MITD1: variants seen among roughly 807,000 people sequenced by gnomAD.
MITD1 encodes MIT domain-containing protein 1.
In MITD1, 24 loss-of-function variants were observed where a neutral mutation model predicts 34.9. The observed-to-expected ratio is 0.69, with a 90% CI of 0.50 to 0.97. The LOEUF is 0.97. Ranked by LOEUF, MITD1 falls within the 50% of genes least tolerant of loss-of-function variation. MITD1 has a pLI of 0.00. For missense variants in MITD1, 266 were observed against 294.6 expected (o/e 0.90, Z 0.71); for synonymous variants, 102 against 101.4 (o/e 1.01, Z -0.04).
At chr2:99,173,733 C>G in intron 2 of MITD1, 182 bp downstream of exon 2, 1 of 623,714 alleles carries the variant, frequency 1.6e-6, no homozygotes, top group South Asian at 1.8e-5. Context: ...CCAAAACAAA[C>G]AAACAAACAA....
intron 2 of MITD1, chr2:99,172,399 AAATT>A (rs2093863974): frequency 6.6e-6 from 1 of 151,950 alleles, no homozygotes. Context: ...AAAAAAAAAA[AAATT>A]AATGCAGTAT....
At chr2:99,162,949 T>G in intron 7 of MITD1, 1 of 1,614,010 alleles carries the variant, frequency 6.2e-7, no homozygotes, top group South Asian at 1.1e-5. Context: ...AATTCAAGTC[T>G]TATTGGCAGT....
At chr2:99,166,848 T>G (rs1306848054), downstream of MITD1, among the ~76,000 whole-genome samples, 1 of 141,468 alleles carries the variant, frequency 7.1e-6, no homozygotes, top group Non-Finnish European at 1.5e-5. Context: ...GTTCATTAAG[T>G]GGGGTTTTAA....
downstream of MITD1, among the ~76,000 whole-genome samples, chr2:99,168,290 C>T (rs1265715432): frequency 1.3e-5 from 2 of 152,068 alleles, no homozygotes; most frequent in African/African-American, 4.8e-5. Context: ...TACAGGCATG[C>T]GCCACCACGG....
At chr2:99,162,487 A>G (rs2093803076) in intron 7 of MITD1, 2 of 1,613,962 alleles carry the variant, frequency 1.2e-6, no homozygotes, top group South Asian at 1.1e-5. Flanking sequence ...GCCTATCACC[A>G]TTGCACTTTA....
At chr2:99,174,917 C>A (rs1049503224) in intron 1 of MITD1, among the ~76,000 whole-genome samples, 5 of 148,866 alleles carry the variant, frequency 3.4e-5, no homozygotes, top group African/African-American at 1.2e-4. Context: ...GTAGAGACGG[C>A]GTTTCACCAT....
chr2:99,174,582 T>C (rs1157421684), intron 1 of MITD1, among the ~76,000 whole-genome samples: 1 of 152,096 alleles, frequency 6.6e-6, no homozygotes, highest in Admixed American at 6.6e-5. Flanking sequence ...TTTCCATAAA[T>C]AATCTCATTT....
intron 7 of MITD1, chr2:99,162,251 GAGA>G (rs2093799914): frequency 1.2e-6 from 2 of 1,613,490 alleles, no homozygotes; most frequent in South Asian, 1.1e-5. Flanking sequence ...AACTGGCTCG[GAGA>G]AGAAGTGGAG....
At chr2:99,162,822 T>C (rs1014051221) in intron 7 of MITD1, 2 of 1,614,014 alleles carry the variant, frequency 1.2e-6, no homozygotes, top group East Asian at 2.2e-5. Flanking sequence ...TCATGTGTTA[T>C]ATGAACAGTC....
intron 1 of MITD1, among the ~76,000 whole-genome samples, chr2:99,180,181 C>T (rs778695808): frequency 5.3e-4 from 80 of 152,068 alleles, no homozygotes; most frequent in South Asian, 6.2e-4. Context: ...GAACCTCATC[C>T]GTTTAAGAAA....
chr2:99,177,986 T>C (rs1395835084), intron 1 of MITD1, among the ~76,000 whole-genome samples: 1 of 152,226 alleles, frequency 6.6e-6, no homozygotes, highest in African/African-American at 2.4e-5. Context: ...CACTTAACAA[T>C]TTCCTACAAG....
chr2:99,174,955 A>G (rs1220637214), intron 1 of MITD1, among the ~76,000 whole-genome samples: 2 of 152,150 alleles, frequency 1.3e-5, no homozygotes, highest in African/African-American at 4.8e-5. Flanking sequence ...CCGACTCCTG[A>G]TCTCAGGTGA....
At chr2:99,162,103 A>T in exon 8 of MITD1, 1 of 1,614,160 alleles carries the variant, frequency 6.2e-7, no homozygotes, top group Non-Finnish European at 8.5e-7. Context: ...GCTGTGGAAG[A>T]CTGGATCCAT....
At chr2:99,162,084 C>T (rs1389974709) in exon 8 of MITD1, 3 of 1,614,082 alleles carry the variant, frequency 1.9e-6, no homozygotes, top group Non-Finnish European at 2.5e-6. Flanking sequence ...TGATGTCTAT[C>T]AAAATCTGGC....
chr2:99,175,377 T>A (rs1346888846), intron 1 of MITD1, among the ~76,000 whole-genome samples: 1 of 152,224 alleles, frequency 6.6e-6, no homozygotes, highest in East Asian at 1.9e-4. Flanking sequence ...GGAATAATAT[T>A]GGTCAGTTAT....
At chr2:99,170,739 G>A (rs915518505) in intron 4 of MITD1, 87 bp from the exon 5 acceptor site, 1 of 589,534 alleles carries the variant, frequency 1.7e-6, no homozygotes. Context: ...TATCACAGGT[G>A]GATTAAGATG....
chr2:99,175,765 A>C (rs1376205519), intron 1 of MITD1, among the ~76,000 whole-genome samples: 2 of 152,186 alleles, frequency 1.3e-5, no homozygotes, highest in Non-Finnish European at 2.9e-5. Flanking sequence ...TATTCAATTA[A>C]ATAGTATGGG....
rs1468529365 is a variant in MITD1 at position 99,162,088 on chromosome 2, A to G, written c.*134T>C. 8.1e-6 allele frequency: 13 copies of G among 1,614,080 alleles called. No individual in the cohort carries two copies. Among genetic ancestry groups the G allele is most frequent in the Non-Finnish European group, 1.0e-5 (12 of 1,180,044 alleles). Reference sequence around the variant, plus strand: ...TCAATTTCCAATGATGTCTATCAAAATCTGGCTGTGGAAGACTGGATCCAT... The same window carrying G: ...TCAATTTCCAATGATGTCTATCAAAGTCTGGCTGTGGAAGACTGGATCCAT... On this transcript the variant is annotated 3_prime_UTR_variant, in exon 8 of 8. Coordinates refer to the MITD1 transcript ENST00000422537.
chr2:99,171,892 TAG>T (rs1463459632), intron 2 of MITD1: 3 of 423,468 alleles, frequency 7.1e-6, no homozygotes, highest in African/African-American at 4.0e-5. Context: ...GGGGAAAATC[TAG>T]AGGTTTCCTG....
Sources: allele counts gnomAD v4.1 joint callset (sites outside exome capture counted in the v4.1 genomes callset), GRCh38; gene constraint gnomAD v4.1.1; transcripts MANE v1.5; gene names NCBI Gene and HGNC (gene_info 2026-07-23, HGNC 2026-07-21).